The following CCDC148 variants were observed in gnomAD, a reference collection of about 807,000 sequenced individuals.
CCDC148 encodes the protein coiled-coil domain-containing protein 148.
A neutral mutation model predicts 85.7 loss-of-function variants in CCDC148; 89 were observed. The ratio of observed to expected loss-of-function variants is 1.04; its 90% CI spans 0.87 to 1.24. The LOEUF (loss-of-function observed/expected upper bound fraction) is 1.24, where lower values mean the gene tolerates loss of function less well. Among genes scored for constraint, CCDC148 ranks in the 50% most tolerant of loss-of-function variants. The pLI, the probability that CCDC148 is intolerant of heterozygous loss-of-function variation, is 0.00. For synonymous variants in CCDC148, 230 were observed against 213.9 expected, an observed-to-expected ratio of 1.08 and a Z score of -0.66; for missense variants, 692 against 671.7, an observed-to-expected ratio of 1.03 and a Z score of -0.33.
chr2:158,180,717 C>T (rs1684856531), intron 11 of CCDC148, among the ~76,000 whole-genome samples: 1 of 152,062 alleles, frequency 6.6e-6, no homozygotes, highest in Non-Finnish European at 1.5e-5. Context: ...CTTAGGAAGA[C>T]ATGCTCCTGG....
intron 2 of CCDC148, among the ~76,000 whole-genome samples, chr2:158,350,602 A>C (rs1214867736): frequency 6.6e-6 from 1 of 152,212 alleles, no homozygotes; most frequent in Admixed American, 6.5e-5. Flanking sequence ...CATGAAAAGT[A>C]TCTATGCTTG....
At chr2:158,279,920 C>T (rs7562310) in intron 9 of CCDC148, among the ~76,000 whole-genome samples, 26,880 of 151,186 alleles carry the variant, frequency 0.18, 3,090 homozygotes, top group Middle Eastern at 0.25. Flanking sequence ...AGACTAACAG[C>T]GGATCTCTCG....
chr2:158,412,958 C>T (rs1425800721), intron 1 of CCDC148, among the ~76,000 whole-genome samples: 4 of 151,090 alleles, frequency 2.6e-5, no homozygotes, highest in South Asian at 2.1e-4. Flanking sequence ...CCCATTAACT[C>T]GTCATTTAGC....
At chr2:158,316,667 C>G (rs914529249) in intron 7 of CCDC148, among the ~76,000 whole-genome samples, 3 of 152,122 alleles carry the variant, frequency 2.0e-5, no homozygotes, top group African/African-American at 7.2e-5. Flanking sequence ...AGAGCTGCAG[C>G]CTTAAATATT....
intron 1 of CCDC148, among the ~76,000 whole-genome samples, chr2:158,437,714 T>C (rs1043722952): frequency 1.7e-4 from 26 of 152,186 alleles, no homozygotes; most frequent in Admixed American, 1.5e-3. Context: ...GACATAATTG[T>C]ATATCTAGAA....
intron 1 of CCDC148, among the ~76,000 whole-genome samples, chr2:158,411,109 C>T (rs1686239644): frequency 2.0e-5 from 3 of 152,050 alleles, no homozygotes; most frequent in South Asian, 2.1e-4. Flanking sequence ...TTTCTGTTTG[C>T]GTTCAAAATT....
At chr2:158,412,299 T>TTG (rs1686297196) in intron 1 of CCDC148, among the ~76,000 whole-genome samples, 1 of 152,192 alleles carries the variant, frequency 6.6e-6, no homozygotes, top group African/African-American at 2.4e-5. Context: ...AGCTTTTAAA[T>TTG]TGTACTCTAA....
intron 10 of CCDC148, among the ~76,000 whole-genome samples, chr2:158,227,537 C>T (rs1318003382): frequency 4.6e-5 from 7 of 152,056 alleles, no homozygotes; most frequent in East Asian, 1.9e-4. Flanking sequence ...GGAGGCATCA[C>T]GCTACCTGAC....
chr2:158,305,064 T>C (rs1263883226), intron 9 of CCDC148, among the ~76,000 whole-genome samples: 1 of 151,562 alleles, frequency 6.6e-6, no homozygotes, highest in Non-Finnish European at 1.5e-5. Context: ...AGAGTCAGGG[T>C]AGGAGAGCAG....
At chr2:158,214,898 C>T (rs1020380588) in intron 11 of CCDC148, among the ~76,000 whole-genome samples, 3 of 151,908 alleles carry the variant, frequency 2.0e-5, no homozygotes, top group East Asian at 3.8e-4. Context: ...ATTTGGTATA[C>T]GTGTCAGCTC....
At chr2:158,318,615 CA>C (rs1364666544) in intron 7 of CCDC148, among the ~76,000 whole-genome samples, 1 of 145,608 alleles carries the variant, frequency 6.9e-6, no homozygotes, top group African/African-American at 2.7e-5. Flanking sequence ...ATAGAAAGCT[CA>C]TTTTTTTTTT....
In CCDC148 at chr2:158,370,141, T is replaced by C. The variant is rs116253753; in HGVS notation, c.26-11571A>G. Among the ~76,000 whole-genome samples the C allele has an allele frequency of 2.1e-3, 318 of 151,934 alleles. 1 individual carries two copies. Among genetic ancestry groups the C allele is most frequent in the Middle Eastern group, 6.8e-3 (2 of 294 alleles). ...TGAGGTTGGCCTGTCAGGGGGTTAG[T>C]GGAGGGAGAGTATCAGGATAGACAG... is the stretch of plus-strand genomic sequence containing the variant. On this transcript the variant is annotated intron_variant, in intron 1 of 13. Transcript: ENST00000283233.
In CCDC148 at chr2:158,265,442, A is replaced by T. The variant is rs180874605; in HGVS notation, c.1111-14530T>A. ...GACTCCTCTGCATCATATACATCCC[A>T]TGGAAGCTTTAATCTTCACACAAGG... On this transcript the variant is annotated intron_variant, in intron 9 of 13. Transcript: ENST00000283233. Among the ~76,000 whole-genome samples the T allele has an allele frequency of 2.6e-4, 39 of 152,224 alleles. No individual in the cohort carries two copies. The Middle Eastern group carries it at 0.014, about 53-fold the overall frequency.
At chr2:158,251,521 T>C (rs1688793396) in intron 9 of CCDC148, among the ~76,000 whole-genome samples, 1 of 151,806 alleles carries the variant, frequency 6.6e-6, no homozygotes, top group Non-Finnish European at 1.5e-5. Flanking sequence ...ACAACCCTAT[T>C]TCCAGAATAT....
intron 10 of CCDC148, among the ~76,000 whole-genome samples, chr2:158,233,915 A>G: frequency 6.6e-6 from 1 of 152,206 alleles, no homozygotes; most frequent in East Asian, 1.9e-4. Context: ...CAGTGGCTCA[A>G]GCCTGTAATC....
chr2:158,358,404 C>T (rs376852609), intron 2 of CCDC148, 45 bp downstream of exon 2: 6 of 1,578,748 alleles, frequency 3.8e-6, no homozygotes, highest in Admixed American at 1.9e-5. Context: ...TCCAGCAATT[C>T]GATTTTCTAA....
At chr2:158,412,871 C>T (rs894595288) in intron 1 of CCDC148, among the ~76,000 whole-genome samples, 2 of 136,972 alleles carry the variant, frequency 1.5e-5, no homozygotes, top group African/African-American at 2.7e-5. Context: ...TATTATTATA[C>T]TTTAAGTTTT....
chr2:158,369,820 C>T (rs758901701), intron 1 of CCDC148, among the ~76,000 whole-genome samples: 11 of 152,004 alleles, frequency 7.2e-5, no homozygotes, highest in Non-Finnish European at 1.5e-4. Flanking sequence ...TCATAAATGG[C>T]TCTTACTATT....
chr2:158,430,066 G>C (rs1056632613), intron 1 of CCDC148, among the ~76,000 whole-genome samples: 1 of 152,196 alleles, frequency 6.6e-6, no homozygotes, highest in African/African-American at 2.4e-5. Context: ...ACTGAGAGGT[G>C]TGTGCGGAGA....
Sources: gnomAD v4.1 joint callset for allele counts (sites outside exome capture counted in the v4.1 genomes callset) on GRCh38, gnomAD v4.1.1 for gene constraint, MANE v1.5 for transcripts, NCBI Gene and HGNC (gene_info 2026-07-23, HGNC 2026-07-21) for gene names.